XKR4: variants seen among roughly 807,000 people sequenced by gnomAD.
The protein encoded by XKR4 is XK-related protein 4.
Under a neutral mutation model 53.9 loss-of-function variants are expected in XKR4, and 12 were observed. The ratio of observed to expected loss-of-function variants is 0.22; its 90% confidence interval spans 0.14 to 0.36. The LOEUF (loss-of-function observed/expected upper bound fraction) is 0.36, where lower values mean the gene tolerates loss of function less well. XKR4 is among the 10% of genes least tolerant of loss of function. The pLI, the probability that XKR4 is intolerant of heterozygous loss-of-function variation, is 1.00. For missense variants in XKR4, 799 were observed against 859.5 expected, an observed-to-expected ratio of 0.93 and a Z score of 0.88; for synonymous variants, 354 against 362.4, an observed-to-expected ratio of 0.98 and a Z score of 0.26.
intron 2 of XKR4, among the ~76,000 whole-genome samples, chr8:55,377,810 G>A (rs1823926580): frequency 6.6e-6 from 1 of 152,210 alleles, no homozygotes; most frequent in African/African-American, 2.4e-5. Context: ...AATATGAACA[G>A]TAATCTGATA....
At chr8:55,215,470 A>AT (rs1451412578) in intron 1 of XKR4, among the ~76,000 whole-genome samples, 1 of 152,244 alleles carries the variant, frequency 6.6e-6, no homozygotes, top group Non-Finnish European at 1.5e-5. Flanking sequence ...GCACTCATGG[A>AT]TACAGAAGTT....
chr8:55,333,536 C>A lies in XKR4; in HGVS notation c.807-24142C>A, dbSNP rs1027284327. ...TTTCCCTAGGAGTTTCACCCCTTTTCTTTCTCATGACCTTAGCTGTTCTAT... is the reference window on the plus strand; with the variant it reads ...TTTCCCTAGGAGTTTCACCCCTTTTATTTCTCATGACCTTAGCTGTTCTAT... On this transcript the variant is annotated intron_variant, in intron 1 of 2. Coordinates refer to ENST00000327381, the MANE Select transcript of XKR4 (RefSeq NM_052898.2). Among the ~76,000 whole-genome samples the A allele has an allele frequency of 1.2e-4, 18 of 152,102 alleles. 1 individual carries two copies. Among genetic ancestry groups the A allele is most frequent in the Admixed American group, 1.2e-3 (18 of 15,248 alleles).
chr8:55,456,714 G>T (rs1220111798), intron 2 of XKR4, among the ~76,000 whole-genome samples: 1 of 152,178 alleles, frequency 6.6e-6, no homozygotes, highest in Non-Finnish European at 1.5e-5. Context: ...ATATAGTTCA[G>T]TAGAAATATC....
intron 1 of XKR4, chr8:55,161,605 G>A (rs1040066904): frequency 6.6e-6 from 3 of 456,322 alleles, no homozygotes; most frequent in Middle Eastern, 3.3e-4. Context: ...AGATGTGGAC[G>A]AATAGTAGTA....
At chr8:55,212,689 TA>T (rs1203486445) in intron 1 of XKR4, among the ~76,000 whole-genome samples, 1 of 152,206 alleles carries the variant, frequency 6.6e-6, no homozygotes, top group African/African-American at 2.4e-5. Flanking sequence ...GTTTTGTCCT[TA>T]AAAATTCAGA....
chr8:55,320,663 C>T (rs1246349019), intron 1 of XKR4, among the ~76,000 whole-genome samples: 1 of 152,092 alleles, frequency 6.6e-6, no homozygotes, highest in African/African-American at 2.4e-5. Flanking sequence ...TTTTCATCTC[C>T]ACTAAATATT....
At chr8:55,131,759 T>TG (rs1023074228) in intron 1 of XKR4, among the ~76,000 whole-genome samples, 4 of 151,732 alleles carry the variant, frequency 2.6e-5, no homozygotes, top group African/African-American at 9.7e-5. Context: ...TTTTCTTTTT[T>TG]TTTTGAGATA....
intron 1 of XKR4, among the ~76,000 whole-genome samples, chr8:55,305,945 C>T (rs1156378295): frequency 6.6e-6 from 1 of 152,158 alleles, no homozygotes; most frequent in African/African-American, 2.4e-5. Context: ...AAGTTAGTTT[C>T]AGTGTATTCA....
chr8:55,443,548 A>C (rs1805300814), intron 2 of XKR4, among the ~76,000 whole-genome samples: 1 of 148,742 alleles, frequency 6.7e-6, no homozygotes, highest in Non-Finnish European at 1.5e-5. Context: ...AAAAAAAAAA[A>C]AAAAAAAACA....
At chr8:55,492,982 C>T (rs1806292411) in intron 2 of XKR4, among the ~76,000 whole-genome samples, 1 of 152,212 alleles carries the variant, frequency 6.6e-6, no homozygotes, top group African/African-American at 2.4e-5. Context: ...AGATGTGATC[C>T]TCAGTAGCAG....
At chr8:55,506,083 T>C (rs1489375880) in intron 2 of XKR4, among the ~76,000 whole-genome samples, 2 of 152,258 alleles carry the variant, frequency 1.3e-5, no homozygotes, top group East Asian at 3.8e-4. Flanking sequence ...CTGAAGTAAT[T>C]GAAAGACAGA....
intron 2 of XKR4, among the ~76,000 whole-genome samples, chr8:55,383,781 T>G (rs1804268960): frequency 1.3e-5 from 2 of 152,122 alleles, no homozygotes; most frequent in Non-Finnish European, 2.9e-5. Context: ...TATCCCAATG[T>G]CACTTATAAG....
chr8:55,129,775 G>T (rs183337262), intron 1 of XKR4, among the ~76,000 whole-genome samples: 1 of 152,192 alleles, frequency 6.6e-6, no homozygotes, highest in African/African-American at 2.4e-5. Context: ...TGAGGGAGGT[G>T]GTGGGAGAGG....
chr8:55,504,252 G>A (rs569372634), intron 2 of XKR4, among the ~76,000 whole-genome samples: 6 of 151,306 alleles, frequency 4.0e-5, no homozygotes, highest in East Asian at 1.9e-4. Context: ...TCACTCTGTC[G>A]CCCAGGCTGG....
At chr8:55,314,876 T>C (rs1391202888) in intron 1 of XKR4, among the ~76,000 whole-genome samples, 4 of 152,106 alleles carry the variant, frequency 2.6e-5, no homozygotes, top group Non-Finnish European at 5.9e-5. Context: ...GGCAGCTCAG[T>C]GTGGAGAAGG....
intron 1 of XKR4, among the ~76,000 whole-genome samples, chr8:55,198,107 A>G (rs1039473035): frequency 3.3e-5 from 5 of 152,178 alleles, no homozygotes; most frequent in African/African-American, 9.7e-5. Flanking sequence ...GAACATCTCT[A>G]TCACGGCTGC....
chr8:55,432,055 G>A (rs1805112084), intron 2 of XKR4, among the ~76,000 whole-genome samples: 1 of 152,176 alleles, frequency 6.6e-6, no homozygotes, highest in African/African-American at 2.4e-5. Context: ...GTGGGTTATA[G>A]CATTTAGCTC....
chr8:55,536,345 G>A lies in XKR4; in HGVS notation c.*12118G>A, dbSNP rs953122915. 1.3e-5 allele frequency: 2 copies of A among 152,112 alleles called. No individual in the cohort carries two copies. Among genetic ancestry groups the A allele is most frequent in the Admixed American group, 6.5e-5 (1 of 15,272 alleles). 9.4% of individuals were successfully genotyped at this position (152,112 alleles called of 1,614,324 possible). A position where few individuals can be genotyped will look rare whatever the true frequency, so the allele number is the denominator to read the frequency against. On this transcript the variant is annotated 3_prime_UTR_variant, in exon 3 of 3. Coordinates refer to ENST00000327381, the MANE Select transcript of XKR4 (RefSeq NM_052898.2). Reference sequence around the variant, plus strand: ...CTCCTGACTAAGTTTCTTTTCTTTGGGGGGCTTTCAACATCTGAATTTTCC... The same window carrying A: ...CTCCTGACTAAGTTTCTTTTCTTTGAGGGGCTTTCAACATCTGAATTTTCC...
At chr8:55,141,252 A>G (rs908903005) in intron 1 of XKR4, among the ~76,000 whole-genome samples, 6 of 152,150 alleles carry the variant, frequency 3.9e-5, no homozygotes, top group African/African-American at 9.7e-5. Flanking sequence ...CTGTCGCAGG[A>G]CCGCCTCCCT....
Sources: gnomAD v4.1 joint callset for allele counts (sites outside exome capture counted in the v4.1 genomes callset) on GRCh38, gnomAD v4.1.1 for gene constraint, MANE v1.5 for transcripts, NCBI Gene and HGNC (gene_info 2026-07-23, HGNC 2026-07-21) for gene names.